SHOC1: variants seen among roughly 807,000 people sequenced by gnomAD.
The protein encoded by SHOC1 is protein shortage in chiasmata 1 ortholog.
SHOC1 carries 136 observed loss-of-function variants against 179.2 expected under a neutral mutation model. The ratio of observed to expected loss-of-function variants is 0.76; its 90% CI spans 0.66 to 0.87. The LOEUF (loss-of-function observed/expected upper bound fraction) is 0.87, where lower values mean the gene tolerates loss of function less well. SHOC1 is among the 40% of genes least tolerant of loss of function. The probability of loss-of-function intolerance (pLI) is 0.00; values close to 1 mark genes in which losing one functional copy is unlikely to be tolerated. For synonymous variants in SHOC1, 489 were observed against 586.6 expected, an observed-to-expected ratio of 0.83 and a Z score of 2.41; for missense variants, 1,538 against 1,700.8, an observed-to-expected ratio of 0.90 and a Z score of 1.68.
At chr9:111,769,356 G>T (rs1183776471) in intron 5 of SHOC1, among the ~76,000 whole-genome samples, 1 of 152,198 alleles carries the variant, frequency 6.6e-6, no homozygotes, top group Non-Finnish European at 1.5e-5. Flanking sequence ...ATGTTTGGTA[G>T]AATTCAGCAG....
chr9:111,723,199 A>T (rs1833147197), intron 14 of SHOC1, among the ~76,000 whole-genome samples: 1 of 152,218 alleles, frequency 6.6e-6, no homozygotes, highest in Admixed American at 6.5e-5. Context: ...ATATGATCTT[A>T]AGCCAAACAA....
Position 111,702,224 on chromosome 9 carries a change from A to G in SHOC1, c.2970T>C (p.Asp990=). Reference sequence around the variant, plus strand: ...CCTTCTCATAATTCAATTCTTCTAGATCCTATCAGAAAATAAAGAAAATGT... The same window carrying G: ...CCTTCTCATAATTCAATTCTTCTAGGTCCTATCAGAAAATAAAGAAAATGT... ...IDEHTAIILQ[D]LEELNYEKAS... Residue 990 remains aspartate (D), a splice_region_variant and synonymous_variant, in exon 23 of 28, where the codon GAT becomes GAC. Coordinates refer to ENST00000682961, the MANE Select transcript of SHOC1 (RefSeq NM_001378211.1). 1 of 1,415,338 alleles carries G rather than the reference A, an allele frequency of 7.1e-7. No homozygotes were observed. The highest frequency in any genetic ancestry group is 9.9e-7 in the Non-Finnish European group (1 of 1,012,288). The allele number at this position is 1,415,338 out of a possible 1,614,324, so 87.7% of individuals were successfully genotyped here. A position where few individuals can be genotyped will look rare whatever the true frequency, so the allele number is the denominator to read the frequency against.
intron 4 of SHOC1, among the ~76,000 whole-genome samples, chr9:111,777,248 A>G (rs1342996117): frequency 6.6e-6 from 1 of 152,210 alleles, no homozygotes; most frequent in Admixed American, 6.5e-5. Context: ...GGAGAGGTTC[A>G]GACTCTTGCA....
intron 26 of SHOC1, 123 bp downstream of exon 26, chr9:111,693,676 G>A: frequency 2.0e-6 from 1 of 500,984 alleles, no homozygotes; most frequent in Non-Finnish European, 3.4e-6. Flanking sequence ...TTATTTCCTT[G>A]CTATTTGAAG....
At chr9:111,720,617 C>T (rs1195498607) in intron 15 of SHOC1, among the ~76,000 whole-genome samples, 3 of 152,186 alleles carry the variant, frequency 2.0e-5, no homozygotes, top group Non-Finnish European at 4.4e-5. Flanking sequence ...GTTCCACAGC[C>T]TACTGATGCC....
At chr9:111,794,321 C>T (rs1331396420) in intron 1 of SHOC1, among the ~76,000 whole-genome samples, 1 of 151,188 alleles carries the variant, frequency 6.6e-6, no homozygotes, top group Non-Finnish European at 1.5e-5. Flanking sequence ...TGGTGGCTCA[C>T]ACCTGTAATC....
intron 8 of SHOC1, among the ~76,000 whole-genome samples, 187 bp downstream of exon 8, chr9:111,756,138 A>G (rs1455082107): frequency 6.6e-6 from 1 of 152,156 alleles, no homozygotes; most frequent in Non-Finnish European, 1.5e-5. Context: ...CAACAACAAC[A>G]ACAACAACAA....
At chr9:111,741,766 G>A (rs1161591738) in intron 10 of SHOC1, among the ~76,000 whole-genome samples, 196 bp from the exon 11 acceptor site, 1 of 151,934 alleles carries the variant, frequency 6.6e-6, no homozygotes, top group Non-Finnish European at 1.5e-5. Flanking sequence ...CGAGCAGCTG[G>A]GATTACAGGC....
chr9:111,758,881 A>G, intron 5 of SHOC1, 33 bp from the exon 6 acceptor site: 2 of 1,267,688 alleles, frequency 1.6e-6, no homozygotes, highest in Non-Finnish European at 2.2e-6. Context: ...AAGGAATAAG[A>G]AAAAAACAAA....
Position 111,686,793 on chromosome 9 carries a change from G to A in SHOC1, c.4504C>T (p.Gln1502Ter), listed in dbSNP as rs145367313. 47 of 1,612,748 alleles carry A rather than the reference G, an allele frequency of 2.9e-5. 1 individual carries two copies. Among genetic ancestry groups the A allele is most frequent in the Middle Eastern group, 3.3e-4 (2 of 6,082 alleles). Residue 1502 changes from glutamine to a stop codon, truncating the protein, a stop_gained, in exon 28 of 28, where the codon CAG becomes TAG. Transcript: ENST00000682961. LOFTEE classifies it high-confidence loss of function. ...CTTCAAAAAAACCTCAGCCGAGTCTGCCCATCAACTCTACCAGGGACTTTT... is the reference window on the plus strand; with the variant it reads ...CTTCAAAAAAACCTCAGCCGAGTCTACCCATCAACTCTACCAGGGACTTTT... ...YEKVPGRVDG[Q>*]TRLRFF
chr9:111,686,826 C>T lies in SHOC1; in HGVS notation c.4471G>A (p.Ala1491Thr). 6.2e-7 allele frequency: 1 copy of T among 1,613,566 alleles called. No individual in the cohort carries two copies. Among genetic ancestry groups the T allele is most frequent in the Non-Finnish European group, 8.5e-7 (1 of 1,179,740 alleles). ...QLPQFKKRRL[A>T]YEKVPGRVDG... Reference sequence around the variant, plus strand: ...ACTCTACCAGGGACTTTTTCATATGCTAGACGTCGTTTTTTGAATTGTGGT... The same window carrying T: ...ACTCTACCAGGGACTTTTTCATATGTTAGACGTCGTTTTTTGAATTGTGGT... Residue 1491 changes from alanine to threonine, a missense_variant, in exon 28 of 28, where the codon GCA (alanine) becomes ACA (threonine). Coordinates refer to ENST00000682961, the MANE Select transcript of SHOC1 (RefSeq NM_001378211.1).
intron 24 of SHOC1, among the ~76,000 whole-genome samples, chr9:111,699,599 T>C (rs1296440530): frequency 6.6e-6 from 1 of 152,180 alleles, no homozygotes; most frequent in African/African-American, 2.4e-5. Context: ...ATCACCAATA[T>C]ATTACCCTAG....
chr9:111,692,200 G>GCTC lies in SHOC1; in HGVS notation c.3776_3777insGAG (p.Ser1258_Ser1259insArg), dbSNP rs771039542. 6.2e-7 allele frequency: 1 copy of GCTC among 1,613,598 alleles called. No individual in the cohort carries two copies. The highest frequency in any genetic ancestry group is 8.5e-7 in the Non-Finnish European group (1 of 1,179,610). On this transcript the variant is annotated inframe_insertion, in exon 27 of 28. Transcript: ENST00000682961. ...TATTCTGCCCTATATTAGATTTACA[G>GCTC]CTGGAGTCTTTCCAGTAGCTGGTCT...
intron 15 of SHOC1, among the ~76,000 whole-genome samples, chr9:111,721,232 C>T (rs1334829089): frequency 1.3e-5 from 2 of 152,186 alleles, no homozygotes; most frequent in Non-Finnish European, 2.9e-5. Flanking sequence ...GTGGGAACAG[C>T]CACTATTCCT....
rs1161222992 is a variant in SHOC1 at position 111,727,668 on chromosome 9, G to A, written c.1799C>T (p.Ser600Leu). 2 of 1,592,818 alleles carry A rather than the reference G, an allele frequency of 1.3e-6. No homozygotes were observed. Among genetic ancestry groups the A allele is most frequent in the South Asian group, 1.2e-5 (1 of 86,340 alleles). Residue 600 changes from serine (S) to leucine (L), a missense_variant, in exon 13 of 28, where the codon TCA (serine) becomes TTA (leucine). Physicochemically the swap from Ser to Leu is moderately radical, Grantham distance 145. Coordinates refer to ENST00000682961, the MANE Select transcript of SHOC1 (RefSeq NM_001378211.1). ...ATCACTGTTTGTGACTTCAGTCTTT[G>A]AGGTGCAAGTCTTATATTTATTTCG... is the stretch of plus-strand genomic sequence containing the variant. ...MLRNKYKTCT[S>L]KTEVTNSDEK...
intron 23 of SHOC1, among the ~76,000 whole-genome samples, chr9:111,701,849 AAAT>A (rs1301778820): frequency 2.6e-5 from 4 of 152,188 alleles, no homozygotes; most frequent in Non-Finnish European, 5.9e-5. Flanking sequence ...CAGAATTACA[AAAT>A]AATAAAATAT....
At chr9:111,743,466 G>T (rs999391776) in intron 10 of SHOC1, among the ~76,000 whole-genome samples, 2 of 152,100 alleles carry the variant, frequency 1.3e-5, no homozygotes, top group Non-Finnish European at 2.9e-5. Context: ...TCATCCCTTT[G>T]CCCAGCATAT....
At chr9:111,693,342 T>C (rs1831530572) in intron 26 of SHOC1, among the ~76,000 whole-genome samples, 1 of 142,168 alleles carries the variant, frequency 7.0e-6, no homozygotes, top group African/African-American at 2.7e-5. Context: ...CCCAGCACTT[T>C]GGGAGGCCAA....
At chr9:111,748,250 T>C in intron 8 of SHOC1, 51 bp from the exon 9 acceptor site, 1 of 1,291,950 alleles carries the variant, frequency 7.7e-7, no homozygotes, top group Non-Finnish European at 1.1e-6. Context: ...AAATTAATTT[T>C]CTGTAACCTT....
Sources: gnomAD v4.1 joint callset for allele counts (sites outside exome capture counted in the v4.1 genomes callset) on GRCh38, gnomAD v4.1.1 for gene constraint, MANE v1.5 for transcripts, NCBI Gene and HGNC (gene_info 2026-07-23, HGNC 2026-07-21) for gene names.